Variants in BABAM2 observed in about 807,000 individuals in gnomAD.
BABAM2 encodes the protein BRISC and BRCA1 A complex member 2, also known as BRISC and BRCA1-A complex member 2.
A neutral mutation model predicts 54.7 loss-of-function variants in BABAM2; 31 were observed. The ratio of observed to expected loss-of-function variants is 0.57; its 90% confidence interval spans 0.43 to 0.77. The LOEUF is 0.77. BABAM2 is among the 30% of genes least tolerant of loss of function. The pLI, the probability that BABAM2 is intolerant of heterozygous loss-of-function variation, is 0.00. For synonymous variants in BABAM2, 167 were observed against 162.9 expected (o/e 1.03, Z -0.19); for missense variants, 364 against 455.8 (o/e 0.80, Z 1.83).
chr2:27,947,821 ATTCT>A (rs1213253065), intron 3 of BABAM2, among the ~76,000 whole-genome samples: 4 of 152,196 alleles, frequency 2.6e-5, no homozygotes, highest in Non-Finnish European at 4.4e-5. Context: ...ACATCCACAT[ATTCT>A]AGTATCATCT....
At chr2:28,074,436 C>A (rs1054874938) in intron 6 of BABAM2, among the ~76,000 whole-genome samples, 5 of 152,122 alleles carry the variant, frequency 3.3e-5, no homozygotes, top group Non-Finnish European at 5.9e-5. Flanking sequence ...AAAATTACCC[C>A]TGGTTGAAAA....
chr2:28,199,067 T>C (rs1474306212), intron 7 of BABAM2, among the ~76,000 whole-genome samples: 1 of 152,232 alleles, frequency 6.6e-6, no homozygotes, highest in African/African-American at 2.4e-5. Context: ...CATGGTTCTA[T>C]CCCAGCCTTT....
chr2:28,206,939 C>T (rs1678911306), intron 7 of BABAM2, among the ~76,000 whole-genome samples: 1 of 152,184 alleles, frequency 6.6e-6, no homozygotes, highest in African/African-American at 2.4e-5. Context: ...TAGCATCTGA[C>T]ATTCTTTGAG....
rs187051724 is a variant in BABAM2, at chr2:28,041,834, T to G, written c.496-3891T>G. Among the ~76,000 whole-genome samples the G allele has an allele frequency of 3.9e-4, 60 of 152,228 alleles. 1 individual carries two copies. In the East Asian group the frequency reaches 0.011, roughly 28 times the overall value. ...CGAGGATTAGAATCCAAGTGACATGTTGAAAGAATCACTCTGCCTATTGTC... is the reference window on the plus strand; with the variant it reads ...CGAGGATTAGAATCCAAGTGACATGGTGAAAGAATCACTCTGCCTATTGTC... On this transcript the variant is annotated intron_variant, in intron 5 of 11. Transcript: ENST00000379624.
At chr2:28,234,530 T>C (rs1438202542) in intron 7 of BABAM2, among the ~76,000 whole-genome samples, 2 of 152,228 alleles carry the variant, frequency 1.3e-5, no homozygotes, top group African/African-American at 4.8e-5. Flanking sequence ...TAAAGACTTC[T>C]CTTGTAATAT....
At chr2:27,906,977 C>T (rs1189499263) in intron 2 of BABAM2, among the ~76,000 whole-genome samples, 3 of 152,106 alleles carry the variant, frequency 2.0e-5, no homozygotes, top group African/African-American at 7.2e-5. Context: ...TATGCATATA[C>T]ATTTGTTTTA....
chr2:28,022,115 A>G (rs974783924), intron 4 of BABAM2, among the ~76,000 whole-genome samples: 6 of 152,184 alleles, frequency 3.9e-5, no homozygotes, highest in South Asian at 4.1e-4. Flanking sequence ...ATATGGGAGC[A>G]CATAGGTACG....
chr2:28,152,982 CATTTAGCTATATCTCTTGT>C (rs1201485406), intron 7 of BABAM2, among the ~76,000 whole-genome samples: 3 of 152,214 alleles, frequency 2.0e-5, no homozygotes, highest in African/African-American at 7.2e-5. Context: ...CCATCCTCTT[CATTTAGCTATATCTCTTGT>C]ATCCCTATTT....
chr2:28,026,765 A>ATG (rs1231886822), intron 5 of BABAM2, among the ~76,000 whole-genome samples: 2 of 111,862 alleles, frequency 1.8e-5, no homozygotes, highest in Non-Finnish European at 3.5e-5. Context: ...ATATATCTAT[A>ATG]TAAATATATA....
rs114703262 is a variant in BABAM2, at chr2:27,967,089, G to A, written c.206-20904G>A. ...GAAACATATATTTCTTCATTGAACA[G>A]CCAAGCTTCCTGCCTTTGTTTGGTT... On this transcript the variant is annotated intron_variant, in intron 3 of 11. Transcript: ENST00000379624. Among the ~76,000 whole-genome samples the A allele has an allele frequency of 6.3e-3, 965 of 152,292 alleles. 12 individuals carry two copies. Among genetic ancestry groups the A allele is most frequent in the Non-Finnish European group, 8.0e-3 (546 of 68,028 alleles).
intron 5 of BABAM2, among the ~76,000 whole-genome samples, chr2:28,038,581 T>C (rs373084026): frequency 2.7e-5 from 4 of 150,242 alleles, no homozygotes; most frequent in African/African-American, 4.8e-5. Context: ...CCCATCGTTA[T>C]GTGTGTGTGT....
At chr2:28,069,425 A>T (rs1390838331) in intron 6 of BABAM2, among the ~76,000 whole-genome samples, 1 of 152,222 alleles carries the variant, frequency 6.6e-6, no homozygotes, top group African/African-American at 2.4e-5. Context: ...TCCTTGGAAT[A>T]TAATGGATTA....
intron 3 of BABAM2, 81 bp downstream of exon 3, chr2:27,929,989 G>A (rs1477253689): frequency 3.8e-6 from 5 of 1,321,776 alleles, no homozygotes; most frequent in Middle Eastern, 2.1e-4. Flanking sequence ...TTTCATTTCC[G>A]GCTGTTAGTT....
At chr2:28,205,402 C>T (rs988360939) in intron 7 of BABAM2, among the ~76,000 whole-genome samples, 1 of 150,534 alleles carries the variant, frequency 6.6e-6, no homozygotes, top group African/African-American at 2.4e-5. Context: ...ACTCGGGAGG[C>T]TGAGGCAGAA....
chr2:27,986,262 A>G (rs562596205), intron 3 of BABAM2, among the ~76,000 whole-genome samples: 1 of 152,306 alleles, frequency 6.6e-6, no homozygotes, highest in Admixed American at 6.5e-5. Flanking sequence ...AATATGTATT[A>G]TGGACTGGAG....
intron 10 of BABAM2, among the ~76,000 whole-genome samples, chr2:28,291,314 C>T (rs1022653170): frequency 3.3e-5 from 5 of 152,196 alleles, no homozygotes; most frequent in African/African-American, 7.2e-5. Flanking sequence ...AAAGATAAGC[C>T]GGGCATAGTG....
chr2:28,026,934 A>T lies in BABAM2; in HGVS notation c.495+1514A>T, dbSNP rs1354965883. 7.3e-3 allele frequency among the ~76,000 whole-genome samples: 77 copies of T among 10,598 alleles called. 3 individuals are homozygous for T. Among genetic ancestry groups the T allele is most frequent in the South Asian group, 0.011 (1 of 94 alleles). The allele number at this position is 10,598 out of a possible 152,430, so 7.0% of individuals were successfully genotyped here. A position where few individuals can be genotyped will look rare whatever the true frequency, so the allele number is the denominator to read the frequency against. On this transcript the variant is annotated intron_variant, in intron 5 of 11. Coordinates refer to ENST00000379624, the MANE Select transcript of BABAM2 (RefSeq NM_199191.3). ...TATATATTAATATATATAAATATAT[A>T]TATAAATATATATTAATATATATAA... is the stretch of plus-strand genomic sequence containing the variant.
chr2:28,267,712 A>G (rs1446267647), intron 10 of BABAM2, among the ~76,000 whole-genome samples: 3 of 152,210 alleles, frequency 2.0e-5, no homozygotes, highest in Non-Finnish European at 4.4e-5. Context: ...TCAGGCCAGC[A>G]TGGCAGGGGC....
intron 3 of BABAM2, among the ~76,000 whole-genome samples, chr2:27,959,782 C>T (rs1228606114): frequency 6.6e-6 from 1 of 151,970 alleles, no homozygotes; most frequent in Non-Finnish European, 1.5e-5. Flanking sequence ...GAAAAAATTG[C>T]CATTTTGATG....
Sources: gnomAD v4.1 joint callset for allele counts (sites outside exome capture counted in the v4.1 genomes callset) on GRCh38, gnomAD v4.1.1 for gene constraint, MANE v1.5 for transcripts, NCBI Gene and HGNC (gene_info 2026-07-23, HGNC 2026-07-21) for gene names.